The following RBFOX1 variants were observed in gnomAD, a reference collection of about 807,000 sequenced individuals.
RBFOX1 encodes the protein RNA binding protein fox-1 homolog 1.
In RBFOX1, 8 loss-of-function variants were observed where a neutral mutation model predicts 57.7. The observed-to-expected ratio is 0.14, with a 90% CI of 0.08 to 0.25. The LOEUF (loss-of-function observed/expected upper bound fraction) is 0.25, where lower values mean the gene tolerates loss of function less well. RBFOX1 is among the 10% of genes least tolerant of loss of function. The pLI is 1.00. For missense variants in RBFOX1, 611 were observed against 548.5 expected (o/e 1.11, Z -1.14); for synonymous variants, 326 against 222.4 (o/e 1.47, Z -4.15).
At chr16:7,519,662 C>G (rs2152220756) in intron 5 of RBFOX1, 2 of 984,526 alleles carry the variant, frequency 2.0e-6, no homozygotes, top group South Asian at 4.7e-5. Flanking sequence ...CTGCAGAATT[C>G]TTTAGAAGCT....
chr16:5,480,778 C>A (rs1336527562), intron 2 of RBFOX1, among the ~76,000 whole-genome samples: 3 of 152,192 alleles, frequency 2.0e-5, no homozygotes, highest in Non-Finnish European at 2.9e-5. Context: ...CAGTTCTGTG[C>A]CTTTCTTCTC....
chr16:7,203,194 T>C (rs890976829), intron 4 of RBFOX1, among the ~76,000 whole-genome samples: 1 of 152,208 alleles, frequency 6.6e-6, no homozygotes, highest in African/African-American at 2.4e-5. Flanking sequence ...ACACGCACAA[T>C]GGAATATTAT....
At chr16:7,610,978 T>C (rs1169651461) in intron 10 of RBFOX1, among the ~76,000 whole-genome samples, 1 of 152,174 alleles carries the variant, frequency 6.6e-6, no homozygotes, top group African/African-American at 2.4e-5. Flanking sequence ...AGACCCCTTG[T>C]CATTGATTTG....
At chr16:5,713,684 C>G (rs1224037012) in intron 3 of RBFOX1, among the ~76,000 whole-genome samples, 2 of 152,210 alleles carry the variant, frequency 1.3e-5, no homozygotes, top group African/African-American at 4.8e-5. Flanking sequence ...TAGATAAGTT[C>G]TTGCTCTATG....
At chr16:6,396,386 A>G (rs1256219470) in intron 2 of RBFOX1, among the ~76,000 whole-genome samples, 1 of 152,214 alleles carries the variant, frequency 6.6e-6, no homozygotes, top group Non-Finnish European at 1.5e-5. Flanking sequence ...TTTGAGAAAT[A>G]AAAGACAGAT....
chr16:5,526,125 C>G (rs571066765), intron 2 of RBFOX1, among the ~76,000 whole-genome samples: 2 of 152,232 alleles, frequency 1.3e-5, no homozygotes, highest in South Asian at 2.1e-4. Flanking sequence ...CTTGGCTGCT[C>G]AGGCCTCTGT....
intron 3 of RBFOX1, among the ~76,000 whole-genome samples, chr16:6,767,739 C>T (rs185150580): frequency 5.1e-4 from 77 of 151,694 alleles, no homozygotes; most frequent in African/African-American, 1.8e-3. Flanking sequence ...TATGGTGAAA[C>T]CCCATCTCTA....
intron 4 of RBFOX1, among the ~76,000 whole-genome samples, chr16:7,344,038 C>T (rs1301843839): frequency 6.6e-6 from 1 of 151,380 alleles, no homozygotes; most frequent in South Asian, 2.1e-4. Context: ...GAAGCCAATA[C>T]CTTCTACTGG....
At chr16:7,466,321 A>T (rs1428171345) in intron 4 of RBFOX1, among the ~76,000 whole-genome samples, 1 of 116,756 alleles carries the variant, frequency 8.6e-6, no homozygotes, top group African/African-American at 3.1e-5. Flanking sequence ...GAGATAATAA[A>T]GGTTAAGTTA....
chr16:5,270,658 CA>C, intron 1 of RBFOX1: 1 of 543,956 alleles, frequency 1.8e-6, no homozygotes, highest in Non-Finnish European at 3.4e-6. Flanking sequence ...AACAGTCTGC[CA>C]AATCCAGAAG....
chr16:7,450,630 AC>A (rs2098844785), intron 4 of RBFOX1, among the ~76,000 whole-genome samples: 1 of 151,890 alleles, frequency 6.6e-6, no homozygotes, highest in Admixed American at 6.6e-5. Flanking sequence ...TCCTTTCCAG[AC>A]CTCTCCCCTT....
At chr16:6,750,830 G>C (rs1022984147) in intron 3 of RBFOX1, among the ~76,000 whole-genome samples, 9 of 152,186 alleles carry the variant, frequency 5.9e-5, no homozygotes, top group Non-Finnish European at 1.0e-4. Flanking sequence ...AAACGCCAAA[G>C]GGGGATGTGT....
At chr16:6,908,063 G>C (rs1379776309) in intron 3 of RBFOX1, among the ~76,000 whole-genome samples, 1 of 151,730 alleles carries the variant, frequency 6.6e-6, no homozygotes, top group Non-Finnish European at 1.5e-5. Flanking sequence ...TTGATCTTCT[G>C]CAGAGACCCC....
intron 2 of RBFOX1, among the ~76,000 whole-genome samples, chr16:6,517,631 C>G (rs1174296670): frequency 2.0e-5 from 3 of 152,152 alleles, no homozygotes; most frequent in Non-Finnish European, 2.9e-5. Flanking sequence ...CCGTGACCAT[C>G]AAACCCCTCG....
At chr16:5,423,434 C>T (rs1033957177) in intron 1 of RBFOX1, among the ~76,000 whole-genome samples, 1 of 152,192 alleles carries the variant, frequency 6.6e-6, no homozygotes, top group Non-Finnish European at 1.5e-5. Flanking sequence ...CACAGAATAA[C>T]TACCATGTGA....
intron 2 of RBFOX1, among the ~76,000 whole-genome samples, chr16:6,533,913 A>G (rs2096698366): frequency 6.6e-6 from 1 of 152,172 alleles, no homozygotes; most frequent in Non-Finnish European, 1.5e-5. Flanking sequence ...CCATAAAAAG[A>G]CATTAAGAGA....
chr16:6,285,523 G>T (rs576104064), intron 1 of RBFOX1, among the ~76,000 whole-genome samples: 25 of 152,286 alleles, frequency 1.6e-4, no homozygotes, highest in African/African-American at 5.1e-4. Context: ...GTTGCCGAGT[G>T]CTGATTCCAT....
chr16:6,708,141 G>A (rs2063093781), intron 3 of RBFOX1, among the ~76,000 whole-genome samples: 1 of 152,140 alleles, frequency 6.6e-6, no homozygotes, highest in African/African-American at 2.4e-5. Context: ...CCTGGCTTGG[G>A]GAGCGGGGGA....
At chr16:7,139,587 A>C (rs976344528) in intron 4 of RBFOX1, among the ~76,000 whole-genome samples, 1 of 152,236 alleles carries the variant, frequency 6.6e-6, no homozygotes, top group African/African-American at 2.4e-5. Flanking sequence ...TTCTACTACT[A>C]CTACTTTTAT....
Sources: gnomAD v4.1 joint callset for allele counts (sites outside exome capture counted in the v4.1 genomes callset) on GRCh38, gnomAD v4.1.1 for gene constraint, MANE v1.5 for transcripts, NCBI Gene and HGNC (gene_info 2026-07-23, HGNC 2026-07-21) for gene names.